WARS1: variants seen among roughly 807,000 people sequenced by gnomAD.
WARS1 encodes the protein tryptophanyl-tRNA synthetase 1.
Under a neutral mutation model 47.8 loss-of-function variants are expected in WARS1, and 17 were observed. The ratio of observed to expected loss-of-function variants is 0.36; its 90% CI spans 0.24 to 0.53. The LOEUF (loss-of-function observed/expected upper bound fraction) is 0.53. Ranked by LOEUF, WARS1 falls within the 20% of genes least tolerant of loss-of-function variation. WARS1 has a pLI of 0.91. For missense variants in WARS1, 434 were observed against 608.0 expected (o/e 0.71, Z 3.01); for synonymous variants, 208 against 228.1 (o/e 0.91, Z 0.79).
chr14:100,334,817 G>A lies in WARS1; in HGVS notation c.*58C>T, dbSNP rs1003414572. On this transcript the variant is annotated 3_prime_UTR_variant, in exon 11 of 11. Coordinates refer to ENST00000392882, the MANE Select transcript of WARS1 (RefSeq NM_004184.4). ...AGGTGGCGGTGCTTTGACTGGGCTGGGATTATTGATACATTACTGATACAT... is the reference window on the plus strand; with the variant it reads ...AGGTGGCGGTGCTTTGACTGGGCTGAGATTATTGATACATTACTGATACAT... 5.3e-5 allele frequency: 84 copies of A among 1,585,262 alleles called. No homozygotes were observed. Among genetic ancestry groups the A allele is most frequent in the Non-Finnish European group, 7.2e-5 (84 of 1,161,550 alleles).
At chr14:100,345,232 C>T (rs12880761) in intron 7 of WARS1, among the ~76,000 whole-genome samples, 18 of 150,214 alleles carry the variant, frequency 1.2e-4, no homozygotes, top group African/African-American at 2.7e-4. Context: ...AATAGAAAGG[C>T]GGGAAAGGTG....
intron 7 of WARS1, among the ~76,000 whole-genome samples, chr14:100,345,424 G>A (rs1254693021): frequency 2.6e-5 from 4 of 152,078 alleles, no homozygotes; most frequent in Non-Finnish European, 4.4e-5. Flanking sequence ...GATTAAGGGC[G>A]GTGCAAGATG....
At chr14:100,372,701 A>C (rs1396941360) in intron 1 of WARS1, among the ~76,000 whole-genome samples, 1 of 152,176 alleles carries the variant, frequency 6.6e-6, no homozygotes, top group Non-Finnish European at 1.5e-5. Context: ...CATGTCCAGA[A>C]ACCTATCCTG....
chr14:100,357,602 C>T (rs537488365), intron 4 of WARS1, among the ~76,000 whole-genome samples: 2 of 152,056 alleles, frequency 1.3e-5, no homozygotes, highest in African/African-American at 2.4e-5. Context: ...GCTGGGATTA[C>T]AGGCGCCCAC....
At chr14:100,367,063 CAGAG>C (rs1182011048) in intron 2 of WARS1, 26 of 698,498 alleles carry the variant, frequency 3.7e-5, no homozygotes, top group Middle Eastern at 5.8e-4. Context: ...AAAAAAATCT[CAGAG>C]AGAAAAGGGT....
At chr14:100,372,617 C>G (rs1896418078) in intron 1 of WARS1, among the ~76,000 whole-genome samples, 1 of 152,222 alleles carries the variant, frequency 6.6e-6, no homozygotes, top group Non-Finnish European at 1.5e-5. Context: ...ATCCATTTCT[C>G]TCTAAGGTCT....
chr14:100,336,971 C>G, intron 10 of WARS1, 91 bp downstream of exon 10: 1 of 1,534,072 alleles, frequency 6.5e-7, no homozygotes, highest in Middle Eastern at 1.8e-4. Flanking sequence ...TCCGACCAAG[C>G]CTTCATGCCT....
chr14:100,350,399 G>GAAAGA (rs561208396), intron 6 of WARS1, among the ~76,000 whole-genome samples: 1 of 112,150 alleles, frequency 8.9e-6, no homozygotes, highest in Non-Finnish European at 1.7e-5. Context: ...CTCAAAAAAA[G>GAAAGA]AAAAAAAAAA....
In WARS1 at chr14:100,334,248, C is replaced by A. The variant is rs992558164; in HGVS notation, c.*627G>T. 2 of 152,606 alleles carry A rather than the reference C, an allele frequency of 1.3e-5. No homozygotes were observed. Among genetic ancestry groups the A allele is most frequent in the African/African-American group, 4.8e-5 (2 of 41,428 alleles). 9.5% of individuals were successfully genotyped at this position (152,606 alleles called of 1,614,324 possible). ...GAGTTCAGTAAACTGGAAAGTTTCA[C>A]CCCCAAGTCTTAATTTAATCAAAAT... On this transcript the variant is annotated 3_prime_UTR_variant, in exon 11 of 11. Coordinates refer to ENST00000392882, the MANE Select transcript of WARS1 (RefSeq NM_004184.4).
intron 2 of WARS1, among the ~76,000 whole-genome samples, chr14:100,364,486 A>G (rs1020301119): frequency 3.3e-5 from 5 of 152,254 alleles, no homozygotes; most frequent in Admixed American, 2.6e-4. Flanking sequence ...TGTGGCTCAC[A>G]CTATTTTGCT....
Position 100,365,499 on chromosome 14 carries a change from G to A in WARS1, c.100-3578C>T, listed in dbSNP as rs181738314. The A allele has an allele frequency of 7.3e-4, 187 of 257,198 alleles. 3 individuals carry two copies. The highest frequency in any genetic ancestry group is 6.6e-3 in the Middle Eastern group (5 of 752). The allele number at this position is 257,198 out of a possible 1,614,324, so 15.9% of individuals were successfully genotyped here. The stretch of plus-strand genomic sequence containing the variant: ...CGAGGCCAGGGCAGGAGAATCGCTC[G>A]AACTCAGGAGGCAGAGGTTGTAGTG... On this transcript the variant is annotated intron_variant, in intron 2 of 10. Transcript: ENST00000392882.
rs1029429007 is a variant in WARS1, at chr14:100,373,344, G to C, written c.-74+1939C>G. The stretch of plus-strand genomic sequence containing the variant: ...TCCCACATCTAAGGAGAGCCAGGCT[G>C]GTCTCTTGGGGTCTCCTCCAGGTCT... On this transcript the variant is annotated intron_variant, in intron 1 of 10. Transcript: ENST00000392882. The surrounding 1 kb of genome is among the most constrained non-coding windows in gnomAD (Gnocchi z 4.4). Among the ~76,000 whole-genome samples the C allele has an allele frequency of 9.9e-5, 15 of 152,076 alleles. No homozygotes were observed. Among genetic ancestry groups the C allele is most frequent in the African/African-American group, 3.4e-4 (14 of 41,386 alleles).
intron 9 of WARS1, among the ~76,000 whole-genome samples, chr14:100,337,855 T>G (rs1490410764): frequency 6.6e-6 from 1 of 151,866 alleles, no homozygotes; most frequent in Non-Finnish European, 1.5e-5. Context: ...AAGACCTTGT[T>G]TCTAAAATAA....
rs749612187 is a variant in WARS1, at chr14:100,369,150, C to T, written c.36G>A (p.Leu12=). The part of the protein sequence containing the change: ...PNSEPASLLE[L]FNSIATQGEL... The stretch of plus-strand genomic sequence containing the variant: ...CCCCTTGTGTGGCGATGCTGTTGAA[C>T]AGCTCCAGCAGAGATGCGGGCTCAC... Residue 12 remains leucine (L), a synonymous_variant, in exon 2 of 11, where the codon CTG becomes CTA. Transcript: ENST00000392882. The T allele has an allele frequency of 6.4e-7, 1 of 1,556,480 alleles. No individual in the cohort carries two copies. The highest frequency in any genetic ancestry group is 8.8e-7 in the Non-Finnish European group (1 of 1,140,734).
At chr14:100,368,205 T>C (rs57343214) in intron 2 of WARS1, among the ~76,000 whole-genome samples, 9,264 of 152,308 alleles carry the variant, frequency 0.061, 435 homozygotes, top group African/African-American at 0.12. Context: ...TACATTATCA[T>C]TAGTATCATT....
intron 9 of WARS1, chr14:100,342,191 C>A: frequency 3.0e-6 from 2 of 670,636 alleles, no homozygotes; most frequent in South Asian, 1.6e-5. Context: ...AATGAAAGGA[C>A]ACAAAACAAA....
chr14:100,352,684 G>GGAGTACCATGCCTTAGGA (rs1450947251), intron 6 of WARS1, among the ~76,000 whole-genome samples: 1 of 152,104 alleles, frequency 6.6e-6, no homozygotes, highest in African/African-American at 2.4e-5. Flanking sequence ...ATGCCTTAGG[G>GGAGTACCATGCCTTAGGA]GAGTACCATG....
intron 9 of WARS1, among the ~76,000 whole-genome samples, chr14:100,337,772 C>T (rs1222787939): frequency 6.6e-6 from 1 of 151,474 alleles, no homozygotes; most frequent in Non-Finnish European, 1.5e-5. Context: ...GTGGAAGGAT[C>T]GCTCAGACTC....
At chr14:100,376,303 C>A, upstream of WARS1, 2 of 1,053,820 alleles carry the variant, frequency 1.9e-6, no homozygotes, top group South Asian at 5.0e-5. Flanking sequence ...CAGCAACCGG[C>A]TGTCTCCTGG....
Sources: gnomAD v4.1 joint callset for allele counts (sites outside exome capture counted in the v4.1 genomes callset) on GRCh38, gnomAD v4.1.1 for gene constraint, Gnocchi (gnomAD v3.1) non-coding constraint, MANE v1.5 for transcripts, NCBI Gene and HGNC (gene_info 2026-07-23, HGNC 2026-07-21) for gene names.